Variants in TOX observed in about 807,000 individuals in gnomAD.
TOX encodes thymocyte selection-associated high mobility group box protein TOX.
TOX carries 11 observed loss-of-function variants against 53.7 expected under a neutral mutation model. That is an observed-to-expected ratio of 0.20 (90% CI 0.13 to 0.34). The LOEUF (loss-of-function observed/expected upper bound fraction) is 0.34. TOX is among the 10% of genes least tolerant of loss of function. The pLI, the probability that TOX is intolerant of heterozygous loss-of-function variation, is 1.00. For synonymous variants in TOX, 225 were observed against 245.3 expected, an observed-to-expected ratio of 0.92 and a Z score of 0.77; for missense variants, 570 against 664.6, an observed-to-expected ratio of 0.86 and a Z score of 1.56.
At chr8:58,877,826 A>G (rs1289955322) in intron 3 of TOX, among the ~76,000 whole-genome samples, 1 of 151,872 alleles carries the variant, frequency 6.6e-6, no homozygotes, top group Non-Finnish European at 1.5e-5. Flanking sequence ...TCATTGCAGA[A>G]GTAGATGAAT....
chr8:58,936,614 T>C lies in TOX; in HGVS notation c.411+2688A>G, dbSNP rs552241432. On this transcript the variant is annotated intron_variant, in intron 3 of 8. Transcript: ENST00000361421. ...AGAGGCTCTTTGTTTCTCACAGGAATTAGTAGACAAAAGATAGCTCCTGAT... is the reference window on the plus strand; with the variant it reads ...AGAGGCTCTTTGTTTCTCACAGGAACTAGTAGACAAAAGATAGCTCCTGAT... Among the ~76,000 whole-genome samples, 11 of 152,286 alleles carry C rather than the reference T, an allele frequency of 7.2e-5. No homozygotes were observed. The East Asian group carries it at 2.1e-3, about 29-fold the overall frequency.
chr8:58,871,172 CAA>C (rs36036067), intron 3 of TOX, among the ~76,000 whole-genome samples: 162 of 70,414 alleles, frequency 2.3e-3, no homozygotes, highest in African/African-American at 6.1e-3. Context: ...AGAAGCCAGT[CAA>C]AAAAAAAAAA....
At chr8:59,105,256 G>A (rs945452153) in intron 1 of TOX, among the ~76,000 whole-genome samples, 2 of 152,116 alleles carry the variant, frequency 1.3e-5, no homozygotes, top group Non-Finnish European at 2.9e-5. Flanking sequence ...TGAGGCAACC[G>A]AAATAGGAAC....
At position 59,066,485 on chromosome 8, in the gene TOX, G is replaced by A. The variant is rs117615267; in HGVS notation, c.102+52401C>T. ...AAAAAAAAAATTCCAATAACAGATA[G>A]AAGTCAAATCCCATAATATTAAATA... On this transcript the variant is annotated intron_variant, in intron 1 of 8. Coordinates refer to ENST00000361421, the MANE Select transcript of TOX (RefSeq NM_014729.3). Among the ~76,000 whole-genome samples the A allele has an allele frequency of 8.9e-4, 136 of 152,148 alleles. 3 individuals are homozygous for A. In the East Asian group the frequency reaches 0.023, roughly 26 times the overall value.
chr8:58,985,277 A>G (rs1156913597), intron 1 of TOX, among the ~76,000 whole-genome samples: 1 of 152,172 alleles, frequency 6.6e-6, no homozygotes, highest in Non-Finnish European at 1.5e-5. Flanking sequence ...AACAAAAGGT[A>G]GCATATATAC....
intron 1 of TOX, among the ~76,000 whole-genome samples, chr8:58,965,894 G>GTTTTGTTTTT (rs1812887394): frequency 4.0e-5 from 2 of 49,630 alleles, no homozygotes; most frequent in Non-Finnish European, 3.7e-5. Flanking sequence ...ACGAGTCATC[G>GTTTTGTTTTT]TTTTTTTTTT....
At chr8:58,924,140 T>C (rs1003185880) in intron 3 of TOX, among the ~76,000 whole-genome samples, 13 of 152,238 alleles carry the variant, frequency 8.5e-5, no homozygotes, top group Non-Finnish European at 1.2e-4. Flanking sequence ...GAAAATGATA[T>C]GCAGAATAAT....
rs144614271 is a variant in TOX, at chr8:58,948,673, C to A, written c.169-9129G>T. Among the ~76,000 whole-genome samples, 381 of 151,958 alleles carry A rather than the reference C, an allele frequency of 2.5e-3. 3 individuals are homozygous for A. Among genetic ancestry groups the A allele is most frequent in the African/African-American group, 9.0e-3 (372 of 41,470 alleles). On this transcript the variant is annotated intron_variant, in intron 2 of 8. Coordinates refer to ENST00000361421, the MANE Select transcript of TOX (RefSeq NM_014729.3). ...AAGGGGTAACTGAAGTATTTAATTT[C>A]ATCATTCAGCATATAATTTTATACA...
At chr8:59,022,534 G>C (rs1035071802) in intron 1 of TOX, among the ~76,000 whole-genome samples, 2 of 152,126 alleles carry the variant, frequency 1.3e-5, no homozygotes, top group African/African-American at 4.8e-5. Context: ...CGTAATTCTT[G>C]CTTTTTCCTT....
chr8:58,857,336 T>C (rs769863401), intron 3 of TOX, among the ~76,000 whole-genome samples: 1 of 152,218 alleles, frequency 6.6e-6, no homozygotes, highest in Non-Finnish European at 1.5e-5. Flanking sequence ...ATGTCCTGCA[T>C]GTCATTGGCA....
chr8:58,944,983 C>T (rs1316315901), intron 2 of TOX, among the ~76,000 whole-genome samples: 1 of 152,168 alleles, frequency 6.6e-6, no homozygotes, highest in Admixed American at 6.5e-5. Flanking sequence ...TAAGGCTTCA[C>T]CTTTATTCTA....
chr8:59,015,412 T>C (rs1051609267), intron 1 of TOX, among the ~76,000 whole-genome samples: 3 of 152,172 alleles, frequency 2.0e-5, no homozygotes, highest in African/African-American at 4.8e-5. Flanking sequence ...TCCCCCAACA[T>C]GCAAAATAAA....
At chr8:58,829,796 T>C (rs1441329326) in intron 5 of TOX, among the ~76,000 whole-genome samples, 2 of 152,114 alleles carry the variant, frequency 1.3e-5, no homozygotes, top group African/African-American at 4.8e-5. Flanking sequence ...TATATAAAAA[T>C]TCCACATGCA....
At chr8:59,075,467 C>T (rs868574819) in intron 1 of TOX, among the ~76,000 whole-genome samples, 46 of 152,090 alleles carry the variant, frequency 3.0e-4, no homozygotes, top group African/African-American at 1.1e-3. Flanking sequence ...AAGCTTCCTC[C>T]GTGCAGCTCA....
intron 1 of TOX, among the ~76,000 whole-genome samples, chr8:58,969,368 G>T (rs1386980379): frequency 6.6e-6 from 1 of 152,150 alleles, no homozygotes; most frequent in African/African-American, 2.4e-5. Flanking sequence ...GTGAACCGAA[G>T]CAAAGCTCTG....
intron 1 of TOX, among the ~76,000 whole-genome samples, chr8:59,026,384 G>A (rs558531340): frequency 1.4e-4 from 22 of 152,234 alleles, no homozygotes; most frequent in Admixed American, 1.4e-3. Flanking sequence ...AACTTGGTGG[G>A]CCATGAGTAC....
Position 58,807,406 on chromosome 8 carries a change from ATG to A in TOX, c.*339_*340del. 1 of 245,042 alleles carries A rather than the reference ATG, an allele frequency of 4.1e-6. No homozygotes were observed. The allele number at this position is 245,042 out of a possible 1,614,324, so 15.2% of individuals were successfully genotyped here. ...TAGTAGTTTCATATAAACACCCATT[ATG>A]AAAACCAATGGAAAATCCAGGACTT... On this transcript the variant is annotated 3_prime_UTR_variant, in exon 9 of 9. Coordinates refer to ENST00000361421, the MANE Select transcript of TOX (RefSeq NM_014729.3).
chr8:58,957,704 G>C (rs1309096637), intron 2 of TOX, among the ~76,000 whole-genome samples: 1 of 152,216 alleles, frequency 6.6e-6, no homozygotes, highest in Non-Finnish European at 1.5e-5. Flanking sequence ...GTACTGATTT[G>C]AAAATTGAAC....
chr8:58,843,842 G>A (rs1810681790), intron 4 of TOX, among the ~76,000 whole-genome samples: 1 of 152,196 alleles, frequency 6.6e-6, no homozygotes, highest in Admixed American at 6.6e-5. Flanking sequence ...TCACATGTGT[G>A]AAAAACACAT....
Sources: gnomAD v4.1 joint callset for allele counts (sites outside exome capture counted in the v4.1 genomes callset) on GRCh38, gnomAD v4.1.1 for gene constraint, MANE v1.5 for transcripts, NCBI Gene and HGNC (gene_info 2026-07-23, HGNC 2026-07-21) for gene names.